BAZ2B: variants seen among roughly 807,000 people sequenced by gnomAD.
BAZ2B encodes bromodomain adjacent to zinc finger domain protein 2B.
In BAZ2B, 91 loss-of-function variants were observed where a neutral mutation model predicts 246.0. That is an observed-to-expected ratio of 0.37 (90% confidence interval 0.31 to 0.44). BAZ2B has a LOEUF of 0.44. BAZ2B is among the 20% of genes least tolerant of loss of function. BAZ2B has a pLI of 1.00. For missense variants in BAZ2B, 2,332 were observed against 2,533.7 expected, an observed-to-expected ratio of 0.92 and a Z score of 1.71; for synonymous variants, 855 against 860.0, an observed-to-expected ratio of 0.99 and a Z score of 0.10.
At chr2:159,376,862 C>T (rs1314366217) in intron 25 of BAZ2B, among the ~76,000 whole-genome samples, 1 of 151,976 alleles carries the variant, frequency 6.6e-6, no homozygotes, top group Non-Finnish European at 1.5e-5. Context: ...TTAAAAAAAC[C>T]TTGGAAGAAT....
chr2:159,650,247 G>C, the BAZ2B span, among the ~76,000 whole-genome samples: 1 of 150,184 alleles, frequency 6.7e-6, no homozygotes, highest in Non-Finnish European at 1.5e-5. Flanking sequence ...TTTTTACTGG[G>C]TGTCATATAT....
At position 159,320,148 on chromosome 2, in the gene BAZ2B, T is replaced by G. The variant is rs1031419354; in HGVS notation, c.*117A>C. 6.4e-6 allele frequency: 6 copies of G among 936,566 alleles called. No homozygotes were observed. The highest frequency in any genetic ancestry group is 8.6e-6 in the Non-Finnish European group (6 of 693,704). 58.0% of individuals were successfully genotyped at this position (936,566 alleles called of 1,614,324 possible). On this transcript the variant is annotated 3_prime_UTR_variant, in exon 37 of 37. Transcript: ENST00000392783. ...TTCTTCTGATACTTTTTTTTTATACTTAAGGAAAAAGAAAGTCATTATGTA... is the reference window on the plus strand; with the variant it reads ...TTCTTCTGATACTTTTTTTTTATACGTAAGGAAAAAGAAAGTCATTATGTA...
chr2:159,408,776 C>T (rs945074577), intron 14 of BAZ2B, among the ~76,000 whole-genome samples: 10 of 152,006 alleles, frequency 6.6e-5, no homozygotes, highest in African/African-American at 1.2e-4. Flanking sequence ...AAAAATTAGC[C>T]GGGCGTTGTG....
chr2:159,627,262 T>C, the BAZ2B span, among the ~76,000 whole-genome samples: 1 of 151,954 alleles, frequency 6.6e-6, no homozygotes, highest in Non-Finnish European at 1.5e-5. Context: ...GTTGGTACCA[T>C]TCCTTCTGAA....
chr2:159,603,389 T>C (rs1376958416), intron 1 of BAZ2B, among the ~76,000 whole-genome samples: 1 of 152,234 alleles, frequency 6.6e-6, no homozygotes, highest in African/African-American at 2.4e-5. Context: ...GAAATGCTAA[T>C]ATTTGGAACT....
the BAZ2B span, among the ~76,000 whole-genome samples, chr2:159,637,379 T>C: frequency 2.0e-5 from 3 of 152,268 alleles, no homozygotes; most frequent in East Asian, 5.8e-4. Flanking sequence ...AAAGAGTCTT[T>C]GGGCTTGAAC....
intron 2 of BAZ2B, among the ~76,000 whole-genome samples, chr2:159,519,249 G>GTC (rs34040666): frequency 0.32 from 26,673 of 83,876 alleles, 4,044 homozygotes; most frequent in African/African-American, 0.41. Flanking sequence ...TTGAGACGGA[G>GTC]TCTCGCTCTG....
intron 2 of BAZ2B, among the ~76,000 whole-genome samples, chr2:159,488,512 C>T (rs763007793): frequency 5.9e-5 from 9 of 152,054 alleles, no homozygotes; most frequent in Non-Finnish European, 1.3e-4. Flanking sequence ...CATGTACCCA[C>T]AACATTTGAA....
At position 159,474,010 on chromosome 2, in the gene BAZ2B, C is replaced by T. The variant is rs191564628; in HGVS notation, c.145+4565G>A. On this transcript the variant is annotated intron_variant, in intron 3 of 36. Coordinates refer to ENST00000392783, the MANE Select transcript of BAZ2B (RefSeq NM_013450.4). The stretch of plus-strand genomic sequence containing the variant: ...GTGGTCAGCTTTAGAATAAGTGAGA[C>T]GTGGTGCTAAGAAGACTCTATATTC... Among the ~76,000 whole-genome samples the T allele has an allele frequency of 1.5e-4, 23 of 152,168 alleles. No individual in the cohort carries two copies. The East Asian group carries it at 3.7e-3, about 24-fold the overall frequency.
At chr2:159,685,759 T>C in the BAZ2B span, among the ~76,000 whole-genome samples, 1 of 152,098 alleles carries the variant, frequency 6.6e-6, no homozygotes, top group Middle Eastern at 3.4e-3. Context: ...ATAAAATAAA[T>C]AAACATAAGT....
chr2:159,703,896 G>A, the BAZ2B span, among the ~76,000 whole-genome samples: 1 of 152,062 alleles, frequency 6.6e-6, no homozygotes, highest in African/African-American at 2.4e-5. Flanking sequence ...AAGTACAGAG[G>A]TCTCAGCTTC....
chr2:159,442,358 A>G (rs182048908), intron 6 of BAZ2B, among the ~76,000 whole-genome samples: 1 of 152,334 alleles, frequency 6.6e-6, no homozygotes, highest in East Asian at 1.9e-4. Context: ...CCAGGGAGAC[A>G]GTGATAGGAA....
intron 2 of BAZ2B, among the ~76,000 whole-genome samples, chr2:159,537,023 A>G (rs762178495): frequency 2.1e-4 from 32 of 152,240 alleles, no homozygotes; most frequent in Non-Finnish European, 3.8e-4. Flanking sequence ...CCACAGATGA[A>G]TGAGTAAATA....
the BAZ2B span, among the ~76,000 whole-genome samples, chr2:159,673,518 A>C: frequency 6.6e-6 from 1 of 152,218 alleles, no homozygotes; most frequent in Admixed American, 6.5e-5. Context: ...TACCCTGAAT[A>C]TACAGCTCTA....
intron 2 of BAZ2B, among the ~76,000 whole-genome samples, chr2:159,532,684 G>A (rs567843455): frequency 2.6e-5 from 4 of 152,276 alleles, no homozygotes; most frequent in African/African-American, 9.6e-5. Context: ...TAACTCACCT[G>A]TAGTTAAGTG....
chr2:159,460,759 T>C (rs1254310509), intron 3 of BAZ2B: 1 of 152,130 alleles, frequency 6.6e-6, no homozygotes, highest in Admixed American at 6.6e-5. Flanking sequence ...CTTAAGTATA[T>C]TAATGTTTAA....
At chr2:159,634,870 A>C in the BAZ2B span, among the ~76,000 whole-genome samples, 5 of 152,338 alleles carry the variant, frequency 3.3e-5, no homozygotes, top group East Asian at 9.6e-4. Flanking sequence ...TTACTTTTTA[A>C]AACTTCTCTC....
At chr2:159,447,011 ATAT>A in intron 5 of BAZ2B, 36 bp from the exon 6 acceptor site, 2 of 1,389,728 alleles carry the variant, frequency 1.4e-6, no homozygotes, top group Non-Finnish European at 1.9e-6. Flanking sequence ...ATACAATGGA[ATAT>A]TATTGCATCA....
intron 26 of BAZ2B, among the ~76,000 whole-genome samples, chr2:159,373,400 T>C (rs543627973): frequency 1.6e-3 from 238 of 152,358 alleles, no homozygotes; most frequent in Non-Finnish European, 2.1e-3. Context: ...TTTGTTGCCA[T>C]GGAGTAAAAG....
Sources: allele counts gnomAD v4.1 joint callset (sites outside exome capture counted in the v4.1 genomes callset), GRCh38; gene constraint gnomAD v4.1.1; transcripts MANE v1.5; gene names NCBI Gene and HGNC (gene_info 2026-07-23, HGNC 2026-07-21).